The following ACER3 variants were observed in gnomAD, a reference collection of about 807,000 sequenced individuals.
ACER3 encodes the protein alkCDase 3.
Under a neutral mutation model 48.9 loss-of-function variants are expected in ACER3, and 16 were observed. That is an observed-to-expected ratio of 0.33 (90% CI 0.22 to 0.50). The LOEUF (loss-of-function observed/expected upper bound fraction) is 0.50. Among genes scored for constraint, ACER3 ranks in the 20% least tolerant of loss-of-function variants. ACER3 has a pLI of 0.98. For missense variants in ACER3, 227 were observed against 326.0 expected (o/e 0.70, Z 2.34); for synonymous variants, 109 against 107.8 (o/e 1.01, Z -0.07).
intron 1 of ACER3, among the ~76,000 whole-genome samples, chr11:76,876,845 C>T (rs1215910435): frequency 6.6e-6 from 1 of 152,154 alleles, no homozygotes; most frequent in Non-Finnish European, 1.5e-5. Flanking sequence ...TTTACATATA[C>T]ATTAATACCC....
At chr11:76,957,542 T>A (rs1194057062) in intron 2 of ACER3, 1 of 432,120 alleles carries the variant, frequency 2.3e-6, no homozygotes, top group East Asian at 7.3e-5. Flanking sequence ...TTCCCAGGTT[T>A]ACGCGATCCT....
chr11:76,968,321 T>G (rs916051157), intron 3 of ACER3, among the ~76,000 whole-genome samples: 1 of 151,988 alleles, frequency 6.6e-6, no homozygotes, highest in Non-Finnish European at 1.5e-5. Context: ...GAACATTCCA[T>G]GCTCATGGGT....
chr11:76,876,421 T>G (rs146188415), intron 1 of ACER3, among the ~76,000 whole-genome samples: 2 of 152,362 alleles, frequency 1.3e-5, no homozygotes, highest in East Asian at 3.9e-4. Context: ...AGGATTCCAC[T>G]GTATGAATAT....
At chr11:77,007,594 G>C (rs1949180771) in intron 7 of ACER3, among the ~76,000 whole-genome samples, 1 of 152,248 alleles carries the variant, frequency 6.6e-6, no homozygotes, top group Non-Finnish European at 1.5e-5. Context: ...TCTCTGGCCA[G>C]TGGTGAAAAT....
intron 1 of ACER3, 87 bp downstream of exon 1, chr11:76,861,166 C>A: frequency 1.5e-6 from 2 of 1,313,298 alleles, no homozygotes; most frequent in Non-Finnish European, 2.1e-6. Flanking sequence ...GCGAACCTGG[C>A]CGCGAAGGGA....
intron 3 of ACER3, 72 bp downstream of exon 3, chr11:76,959,103 A>G (rs1947918129): frequency 6.2e-7 from 1 of 1,608,626 alleles, no homozygotes; most frequent in African/African-American, 1.3e-5. Flanking sequence ...AGAAAAGAGC[A>G]CATAACTATG....
Position 77,024,993 on chromosome 11 carries a change from T to A in ACER3, c.*4666T>A, listed in dbSNP as rs566396861. The stretch of plus-strand genomic sequence containing the variant: ...TCACTGCTCTGCATACAGTTCCTTT[T>A]CAACCCTTACAAGACCTGCTTCATT... On this transcript the variant is annotated 3_prime_UTR_variant, in exon 11 of 11. Coordinates refer to ENST00000532485, the MANE Select transcript of ACER3 (RefSeq NM_018367.7). The A allele has an allele frequency of 1.3e-5, 2 of 152,212 alleles. No individual in the cohort carries two copies. Among genetic ancestry groups the A allele is most frequent in the Non-Finnish European group, 2.9e-5 (2 of 68,040 alleles). 9.4% of individuals were successfully genotyped at this position (152,212 alleles called of 1,614,324 possible).
At chr11:76,952,359 A>G (rs553752148) in intron 2 of ACER3, among the ~76,000 whole-genome samples, 1 of 149,018 alleles carries the variant, frequency 6.7e-6, no homozygotes, top group South Asian at 2.1e-4. Context: ...TCCCAGGTTC[A>G]AGGGATTCTC....
chr11:76,998,917 C>A, intron 7 of ACER3, 96 bp downstream of exon 7: 1 of 919,510 alleles, frequency 1.1e-6, no homozygotes, highest in Non-Finnish European at 1.6e-6. Context: ...TAAAAGCTCA[C>A]TTCAGTAGAG....
At chr11:76,949,622 T>G (rs142120898) in intron 2 of ACER3, among the ~76,000 whole-genome samples, 15 of 152,322 alleles carry the variant, frequency 9.8e-5, no homozygotes, top group Non-Finnish European at 1.8e-4. Context: ...TGTTTTCACG[T>G]TTGACATTTG....
At chr11:76,874,225 C>G (rs192086628) in intron 1 of ACER3, among the ~76,000 whole-genome samples, 1 of 152,234 alleles carries the variant, frequency 6.6e-6, no homozygotes, top group East Asian at 1.9e-4. Flanking sequence ...GAGCCTGTGA[C>G]TTTGGGCAAA....
intron 7 of ACER3, among the ~76,000 whole-genome samples, chr11:77,006,084 G>A (rs1555020988): frequency 6.7e-6 from 1 of 148,416 alleles, no homozygotes. Context: ...CTGCCTCTCG[G>A]GTTCAAGCAA....
In ACER3 at chr11:76,975,882, T is replaced by C. The variant is rs1388978601; in HGVS notation, c.268-407T>C. Reference sequence around the variant, plus strand: ...AAACCTTTTTTTCTTTTCTTTTTTTTTTTTTTTTTTTTTTTGAGACAGGGT... The same window carrying C: ...AAACCTTTTTTTCTTTTCTTTTTTTCTTTTTTTTTTTTTTTGAGACAGGGT... On this transcript the variant is annotated intron_variant, in intron 3 of 10. Coordinates refer to ENST00000532485, the MANE Select transcript of ACER3 (RefSeq NM_018367.7). 4.2e-5 allele frequency among the ~76,000 whole-genome samples: 6 copies of C among 142,744 alleles called. No individual in the cohort carries two copies. In the South Asian group the frequency reaches 1.1e-3, roughly 27 times the overall value. 93.6% of individuals were successfully genotyped at this position (142,744 alleles called of 152,430 possible). A position where few individuals can be genotyped will look rare whatever the true frequency, so the allele number is the denominator to read the frequency against.
chr11:76,940,274 G>T (rs945571176), intron 2 of ACER3, among the ~76,000 whole-genome samples: 2 of 151,806 alleles, frequency 1.3e-5, no homozygotes, highest in African/African-American at 4.8e-5. Flanking sequence ...ATGAGCCACC[G>T]CACCCAGCCA....
chr11:77,011,144 A>G (rs1455622603), intron 7 of ACER3, among the ~76,000 whole-genome samples: 1 of 152,184 alleles, frequency 6.6e-6, no homozygotes, highest in African/African-American at 2.4e-5. Flanking sequence ...TCCAGAATAA[A>G]GCAGTGTGAT....
intron 2 of ACER3, among the ~76,000 whole-genome samples, chr11:76,948,864 C>A (rs1055150173): frequency 5.9e-5 from 9 of 152,158 alleles, no homozygotes; most frequent in African/African-American, 2.2e-4. Context: ...TTCATTGATA[C>A]CTATTGTATG....
intron 1 of ACER3, among the ~76,000 whole-genome samples, chr11:76,923,801 G>A (rs1372454561): frequency 6.6e-6 from 1 of 152,094 alleles, no homozygotes; most frequent in Non-Finnish European, 1.5e-5. Context: ...TTCAGCTTTT[G>A]GGAGTAGGCA....
In ACER3 at chr11:76,925,363, T is replaced by C. The variant is rs570925430; in HGVS notation, c.104-1194T>C. Among the ~76,000 whole-genome samples the C allele has an allele frequency of 2.9e-3, 437 of 152,330 alleles. 2 individuals carry two copies. The highest frequency in any genetic ancestry group is 5.1e-3 in the Non-Finnish European group (348 of 68,022). On this transcript the variant is annotated intron_variant, in intron 1 of 10. Transcript: ENST00000532485. The stretch of plus-strand genomic sequence containing the variant: ...TATGGTTATTCATTGCAATATTGCT[T>C]GTAATAGTGAGAATGGGAAATAACC...
rs186293062 is a variant in ACER3 at position 76,914,360 on chromosome 11, C to T, written c.104-12197C>T. Among the ~76,000 whole-genome samples, 409 of 152,248 alleles carry T rather than the reference C, an allele frequency of 2.7e-3. 2 individuals carry two copies. Among genetic ancestry groups the T allele is most frequent in the African/African-American group, 9.2e-3 (383 of 41,536 alleles). On this transcript the variant is annotated intron_variant, in intron 1 of 10. Coordinates refer to ENST00000532485, the MANE Select transcript of ACER3 (RefSeq NM_018367.7). ...CTCAAACAAATTTACAAGAAAAAAA[C>T]AACCCCATCAAAAAGTGGGCGAAGG... is the stretch of plus-strand genomic sequence containing the variant.
Sources: allele counts gnomAD v4.1 joint callset (sites outside exome capture counted in the v4.1 genomes callset), GRCh38; gene constraint gnomAD v4.1.1; transcripts MANE v1.5; gene names NCBI Gene and HGNC (gene_info 2026-07-23, HGNC 2026-07-21).